The following ZNF292 variants were observed in gnomAD, a reference collection of about 807,000 sequenced individuals.
ZNF292 encodes 16 zinc-finger domain protein.
In ZNF292, 26 loss-of-function variants were observed where a neutral mutation model predicts 217.9. The ratio of observed to expected loss-of-function variants is 0.12; its 90% CI spans 0.09 to 0.17. The LOEUF (loss-of-function observed/expected upper bound fraction) is 0.17. Ranked by LOEUF, ZNF292 falls within the 10% of genes least tolerant of loss-of-function variation. The pLI is 1.00. For missense variants in ZNF292, 2,904 were observed against 3,175.2 expected (o/e 0.91, Z 2.05); for synonymous variants, 1,257 against 1,124.1 (o/e 1.12, Z -2.37).
chr6:87,208,420 T>TA (rs1416207716), intron 1 of ZNF292, among the ~76,000 whole-genome samples: 3 of 152,114 alleles, frequency 2.0e-5, no homozygotes, highest in Non-Finnish European at 4.4e-5. Flanking sequence ...CTTTAAATTT[T>TA]AAAATCTTTT....
chr6:87,171,394 GTT>G (rs369745986), intron 1 of ZNF292, among the ~76,000 whole-genome samples: 1 of 147,320 alleles, frequency 6.8e-6, no homozygotes. Flanking sequence ...TTTTTTGTTG[GTT>G]TTTTTTTTGT....
chr6:87,264,719 A>T lies in ZNF292; in HGVS notation c.*2918A>T, dbSNP rs1775757118. Among the ~76,000 whole-genome samples, 1 of 152,184 alleles carries T rather than the reference A, an allele frequency of 6.6e-6. No homozygotes were observed. Among genetic ancestry groups the T allele is most frequent in the South Asian group, 2.1e-4 (1 of 4,836 alleles). On this transcript the variant is annotated 3_prime_UTR_variant, in exon 8 of 8. Transcript: ENST00000369577. Reference sequence around the variant, plus strand: ...GAAGAAGGTGAAGCTGAAGAAGCAGATGGGTGGTGGGATCAGGAGTGTTCT... The same window carrying T: ...GAAGAAGGTGAAGCTGAAGAAGCAGTTGGGTGGTGGGATCAGGAGTGTTCT...
chr6:87,249,138 T>C (rs1774761085), intron 7 of ZNF292, among the ~76,000 whole-genome samples: 1 of 152,090 alleles, frequency 6.6e-6, no homozygotes, highest in Non-Finnish European at 1.5e-5. Context: ...TGTTGGTTCA[T>C]TGGTTTTTGA....
In ZNF292 at chr6:87,218,219, A is replaced by C. The variant is rs978390923; in HGVS notation, c.403-377A>C. 2.5e-4 allele frequency among the ~76,000 whole-genome samples: 38 copies of C among 152,132 alleles called. 1 individual carries two copies. Among genetic ancestry groups the C allele is most frequent in the Admixed American group, 2.1e-3 (32 of 15,274 alleles). ...AAGTTGTCACTTAGTTCGTTATGCA[A>C]ATCTTTTTATTAATGGTAGATTTGG... On this transcript the variant is annotated intron_variant, in intron 3 of 7. Transcript: ENST00000369577.
intron 1 of ZNF292, among the ~76,000 whole-genome samples, chr6:87,180,846 T>C (rs1771450479): frequency 6.6e-6 from 1 of 152,178 alleles, no homozygotes; most frequent in Non-Finnish European, 1.5e-5. Flanking sequence ...GAATTTTCAT[T>C]ACACATTGAT....
chr6:87,189,174 C>G (rs1445837711), intron 1 of ZNF292, among the ~76,000 whole-genome samples: 2 of 151,970 alleles, frequency 1.3e-5, no homozygotes, highest in African/African-American at 4.8e-5. Flanking sequence ...CACTGCACTT[C>G]AGCCTGGGCG....
chr6:87,192,245 T>G (rs1000247428), intron 1 of ZNF292, among the ~76,000 whole-genome samples: 3 of 152,150 alleles, frequency 2.0e-5, no homozygotes, highest in African/African-American at 7.2e-5. Flanking sequence ...CATTGGAAAT[T>G]TTGCTGTATG....
chr6:87,201,055 A>G (rs1207191866), intron 1 of ZNF292, among the ~76,000 whole-genome samples: 2 of 152,194 alleles, frequency 1.3e-5, no homozygotes, highest in Admixed American at 6.5e-5. Flanking sequence ...GAATTCTCAC[A>G]ATTTGGGAGA....
chr6:87,222,988 G>A, intron 4 of ZNF292: 9 of 290,436 alleles, frequency 3.1e-5, no homozygotes, highest in South Asian at 3.0e-4. Context: ...GACCAGAAAG[G>A]TAAAGTACCA....
In ZNF292 at chr6:87,259,535, A is replaced by G. The variant is rs1425135463; in HGVS notation, c.5906A>G (p.Gln1969Arg). 6.3e-7 allele frequency: 1 copy of G among 1,585,780 alleles called. No homozygotes were observed. Among genetic ancestry groups the G allele is most frequent in the Non-Finnish European group, 8.6e-7 (1 of 1,164,808 alleles). Residue 1969 changes from glutamine (Q) to arginine (R), a missense_variant, in exon 8 of 8, where the codon CAG becomes CGG. This residue lies in a region of ZNF292 where 50 missense variants were observed against 90.5 expected (regional missense o/e 0.55). Coordinates refer to ENST00000369577, the MANE Select transcript of ZNF292 (RefSeq NM_015021.3). Reference protein sequence around the residue: ...TRNSNLRAHCQLVHHFTTEEM... With the variant: ...TRNSNLRAHCRLVHHFTTEEM... ...AATTCTAACCTCCGGGCACACTGTC[A>G]GTTGGTGCATCATTTTACAACTGAA...
chr6:87,247,079 C>T (rs182304598), intron 7 of ZNF292, among the ~76,000 whole-genome samples: 1 of 151,478 alleles, frequency 6.6e-6, no homozygotes, highest in Non-Finnish European at 1.5e-5. Context: ...CGCTTGAGCC[C>T]AGGAGGTGGA....
intron 7 of ZNF292, among the ~76,000 whole-genome samples, chr6:87,246,206 G>C (rs534683005): frequency 6.6e-6 from 1 of 152,214 alleles, no homozygotes; most frequent in Non-Finnish European, 1.5e-5. Flanking sequence ...ACTCGAGCCT[G>C]GGCAACAGAG....
chr6:87,205,412 A>AT (rs1255236011), intron 1 of ZNF292, among the ~76,000 whole-genome samples: 2 of 151,074 alleles, frequency 1.3e-5, no homozygotes, highest in South Asian at 2.1e-4. Flanking sequence ...TATGATAATT[A>AT]TTTTTTTTTC....
chr6:87,179,515 C>T (rs908315505), intron 1 of ZNF292, among the ~76,000 whole-genome samples: 1 of 152,062 alleles, frequency 6.6e-6, no homozygotes, highest in Non-Finnish European at 1.5e-5. Flanking sequence ...AGAAGTAGGG[C>T]TATTTTCTAC....
chr6:87,246,088 A>G (rs937118924), intron 7 of ZNF292, among the ~76,000 whole-genome samples: 1 of 152,066 alleles, frequency 6.6e-6, no homozygotes, highest in African/African-American at 2.4e-5. Context: ...AAAATTAGCC[A>G]GGTGTGGTGG....
At position 87,200,845 on chromosome 6, in the gene ZNF292, G is replaced by A. The variant is rs1444483676; in HGVS notation, c.169-15058G>A. On this transcript the variant is annotated intron_variant, in intron 1 of 7. Transcript: ENST00000369577. ...TTGTGAATGGTTATTTCACATCCTAGCATTGAGTATATATGGGAATGTGAA... is the reference window on the plus strand; with the variant it reads ...TTGTGAATGGTTATTTCACATCCTAACATTGAGTATATATGGGAATGTGAA... Among the ~76,000 whole-genome samples the A allele has an allele frequency of 2.6e-5, 4 of 152,184 alleles. No individual in the cohort carries two copies. The East Asian group carries it at 5.8e-4, about 22-fold the overall frequency.
chr6:87,174,055 T>C (rs1463570359), intron 1 of ZNF292: 3 of 235,002 alleles, frequency 1.3e-5, no homozygotes. Context: ...ACAACTTTCA[T>C]GTTATATGCA....
chr6:87,261,191 A>C lies in ZNF292; in HGVS notation c.7562A>C (p.Gln2521Pro). The C allele has an allele frequency of 1.9e-6, 3 of 1,612,588 alleles. No individual in the cohort carries two copies. Among genetic ancestry groups the C allele is most frequent in the Non-Finnish European group, 2.5e-6 (3 of 1,179,464 alleles). Reference protein sequence around the residue: ...SNDFQEDNLCQSERQKASNLK... With the variant: ...SNDFQEDNLCPSERQKASNLK... Reference sequence around the variant, plus strand: ...GATTTTCAGGAAGATAACCTCTGCCAGTCAGAAAGACAAAAAGCAAGTAAT... The same window carrying C: ...GATTTTCAGGAAGATAACCTCTGCCCGTCAGAAAGACAAAAAGCAAGTAAT... The change falls in exon 8 of 8, where the codon CAG becomes CCG. Residue 2521 changes from glutamine to proline, a missense_variant. This residue lies in a region of ZNF292 where 380 missense variants were observed against 355.3 expected (regional missense o/e 1.07). Transcript: ENST00000369577.
chr6:87,226,609 G>C (rs1041364128), intron 4 of ZNF292, among the ~76,000 whole-genome samples: 2 of 147,850 alleles, frequency 1.4e-5, no homozygotes, highest in Non-Finnish European at 3.0e-5. Flanking sequence ...CCTAGACAAG[G>C]ACATTATTTT....
Sources: gnomAD v4.1 joint callset for allele counts (sites outside exome capture counted in the v4.1 genomes callset) on GRCh38, gnomAD v4.1.1 for gene constraint, gnomAD v4.1.1 regional missense constraint, MANE v1.5 for transcripts, NCBI Gene and HGNC (gene_info 2026-07-23, HGNC 2026-07-21) for gene names.